Variants in SUFU observed in about 807,000 individuals in gnomAD.
The protein encoded by SUFU is suppressor of fused homolog.
In SUFU, 7 loss-of-function variants were observed where a neutral mutation model predicts 58.9. That is an observed-to-expected ratio of 0.12 (90% CI 0.07 to 0.22). The LOEUF (loss-of-function observed/expected upper bound fraction) is 0.22. Among genes scored for constraint, SUFU ranks in the 10% least tolerant of loss-of-function variants. The pLI is 1.00. For missense variants in SUFU, 451 were observed against 641.3 expected (o/e 0.70, Z 3.20); for synonymous variants, 232 against 254.8 (o/e 0.91, Z 0.85).
intron 10 of SUFU, among the ~76,000 whole-genome samples, chr10:102,623,877 T>C (rs1235237120): frequency 6.6e-6 from 1 of 151,814 alleles, no homozygotes; most frequent in East Asian, 1.9e-4. Context: ...GAGGCGGAGG[T>C]TGCAATGAGC....
intron 3 of SUFU, among the ~76,000 whole-genome samples, chr10:102,564,008 C>A (rs1205428336): frequency 1.3e-5 from 2 of 152,192 alleles, no homozygotes; most frequent in African/African-American, 4.8e-5. Flanking sequence ...AAGAAGGGGA[C>A]CCTCTTATCT....
intron 2 of SUFU, among the ~76,000 whole-genome samples, chr10:102,520,493 T>A (rs1040795666): frequency 2.0e-5 from 3 of 152,158 alleles, no homozygotes; most frequent in Non-Finnish European, 4.4e-5. Flanking sequence ...GTGCTGGGAT[T>A]ACAGGCGTGA....
chr10:102,505,702 A>T (rs2062316722), intron 1 of SUFU, among the ~76,000 whole-genome samples: 1 of 152,162 alleles, frequency 6.6e-6, no homozygotes, highest in Non-Finnish European at 1.5e-5. Context: ...GATTGTAGGG[A>T]ACAGCCTCCT....
At chr10:102,592,802 G>T in intron 4 of SUFU, 78 bp downstream of exon 4, 1 of 1,528,350 alleles carries the variant, frequency 6.5e-7, no homozygotes. Flanking sequence ...TGAGGAGGGG[G>T]AGTGAAGGGA....
At chr10:102,526,993 G>GTTTTT (rs34862176) in intron 2 of SUFU, among the ~76,000 whole-genome samples, 8 of 102,064 alleles carry the variant, frequency 7.8e-5, no homozygotes, top group Non-Finnish European at 1.2e-4. Flanking sequence ...TATTATTATT[G>GTTTTT]TTTTTTTTTT....
chr10:102,566,696 C>T (rs970059656), intron 3 of SUFU, among the ~76,000 whole-genome samples: 7 of 146,512 alleles, frequency 4.8e-5, no homozygotes, highest in Admixed American at 7.1e-5. Context: ...ACTTGGGAGG[C>T]GGAGGTTGCA....
chr10:102,606,555 G>A (rs1032507111), intron 8 of SUFU, among the ~76,000 whole-genome samples: 2 of 152,172 alleles, frequency 1.3e-5, no homozygotes, highest in African/African-American at 4.8e-5. Context: ...AACCTGAGTG[G>A]TGTGACTCTA....
At position 102,518,509 on chromosome 10, in the gene SUFU, C is replaced by T. The variant is rs1264832625; in HGVS notation, c.317+9206C>T. 6.4e-5 allele frequency among the ~76,000 whole-genome samples: 5 copies of T among 78,358 alleles called. No homozygotes were observed. In the Admixed American group the frequency reaches 7.2e-4, roughly 11 times the overall value. 51.4% of individuals were successfully genotyped at this position (78,358 alleles called of 152,430 possible). ...ATGTAGAAGCTATCTATCTAACTGTCTGTCTGTCTGTCTATCTATCTATCT... is the reference window on the plus strand; with the variant it reads ...ATGTAGAAGCTATCTATCTAACTGTTTGTCTGTCTGTCTATCTATCTATCT... On this transcript the variant is annotated intron_variant, in intron 2 of 11. Transcript: ENST00000369902.
At chr10:102,531,490 G>A (rs143027516) in intron 2 of SUFU, among the ~76,000 whole-genome samples, 185 of 152,094 alleles carry the variant, frequency 1.2e-3, no homozygotes, top group African/African-American at 4.2e-3. Flanking sequence ...TCCTTTGTTC[G>A]GCTGCTTTCA....
intron 2 of SUFU, among the ~76,000 whole-genome samples, chr10:102,517,496 C>T (rs2062486126): frequency 6.6e-6 from 1 of 152,112 alleles, no homozygotes; most frequent in South Asian, 2.1e-4. Flanking sequence ...CCCTTTTGGG[C>T]TCTCCTCTTC....
At chr10:102,565,617 T>C (rs918225398) in intron 3 of SUFU, among the ~76,000 whole-genome samples, 2 of 152,214 alleles carry the variant, frequency 1.3e-5, no homozygotes, top group African/African-American at 4.8e-5. Flanking sequence ...CGATCTCGGC[T>C]CACTGCAAGC....
chr10:102,582,292 G>GTCTAGAGT (rs2063289354), intron 3 of SUFU, among the ~76,000 whole-genome samples: 1 of 152,214 alleles, frequency 6.6e-6, no homozygotes, highest in Non-Finnish European at 1.5e-5. Context: ...GGCTGGCACT[G>GTCTAGAGT]TCTAGAGTTA....
intron 3 of SUFU, among the ~76,000 whole-genome samples, chr10:102,568,874 C>CAAAAA (rs59877393): frequency 6.9e-4 from 10 of 14,540 alleles, no homozygotes; most frequent in Non-Finnish European, 1.0e-3. Context: ...AACTCTGTCT[C>CAAAAA]AAAAAAAAAA....
At chr10:102,542,153 G>C (rs1164336870) in intron 2 of SUFU, among the ~76,000 whole-genome samples, 1 of 137,020 alleles carries the variant, frequency 7.3e-6, no homozygotes, top group Non-Finnish European at 1.6e-5. Context: ...TTTTTTTTGA[G>C]ATGGAGTCTC....
rs969840938 is a variant in SUFU, at chr10:102,529,117, A to T, written c.317+19814A>T. ...ACATATTTCAAAAGTTATTTTTACA[A>T]AGTTTTGCTACATACAGTAGTATTT... On this transcript the variant is annotated intron_variant, in intron 2 of 11. Coordinates refer to ENST00000369902, the MANE Select transcript of SUFU (RefSeq NM_016169.4). 6.6e-5 allele frequency among the ~76,000 whole-genome samples: 10 copies of T among 152,192 alleles called. No homozygotes were observed. The East Asian group carries it at 9.7e-4, about 15-fold the overall frequency.
chr10:102,578,079 G>T (rs1159966740), intron 3 of SUFU, among the ~76,000 whole-genome samples: 1 of 149,932 alleles, frequency 6.7e-6, no homozygotes, highest in Non-Finnish European at 1.5e-5. Context: ...AGGCCGAGGC[G>T]GGTGAATCAC....
At chr10:102,627,312 C>CA in intron 11 of SUFU, 69 bp downstream of exon 11, 2 of 1,395,698 alleles carry the variant, frequency 1.4e-6, no homozygotes, top group Non-Finnish European at 2.0e-6. Flanking sequence ...TGCGTGTGCA[C>CA]GTCTGTGCAT....
At position 102,631,533 on chromosome 10, in the gene SUFU, C is replaced by A. The variant is rs540265156; in HGVS notation, c.*1378C>A. The A allele has an allele frequency of 6.4e-5, 15 of 233,506 alleles. No individual in the cohort carries two copies. The highest frequency in any genetic ancestry group is 5.6e-4 in the Admixed American group (10 of 17,810). The allele number at this position is 233,506 out of a possible 1,614,324, so 14.5% of individuals were successfully genotyped here. A position where few individuals can be genotyped will look rare whatever the true frequency, so the allele number is the denominator to read the frequency against. On this transcript the variant is annotated 3_prime_UTR_variant, in exon 12 of 12. Coordinates refer to ENST00000369902, the MANE Select transcript of SUFU (RefSeq NM_016169.4). Reference sequence around the variant, plus strand: ...CTCTAGGGATGGGACTGTTACAATACTTCAAGATCACTCTTTACACCTCTT... The same window carrying A: ...CTCTAGGGATGGGACTGTTACAATAATTCAAGATCACTCTTTACACCTCTT...
chr10:102,599,434 C>T lies in SUFU; in HGVS notation c.912C>T (p.Asp304=). The T allele has an allele frequency of 6.2e-7, 1 of 1,613,650 alleles. No individual in the cohort carries two copies. The highest frequency in any genetic ancestry group is 2.2e-5 in the East Asian group (1 of 44,864). ...GTQPRRLSGK[D]TEQIRETLRR... ...GGCAACTTAGTGGTGTCGTTGCAGA[C>T]ACAGAGCAGATCCGGGAGACCCTGA... The change falls in exon 8 of 12, where the codon GAC becomes GAT. Residue 304 remains aspartate, a splice_region_variant and synonymous_variant. Coordinates refer to ENST00000369902, the MANE Select transcript of SUFU (RefSeq NM_016169.4).
Sources: allele counts gnomAD v4.1 joint callset (sites outside exome capture counted in the v4.1 genomes callset), GRCh38; gene constraint gnomAD v4.1.1; transcripts MANE v1.5; gene names NCBI Gene and HGNC (gene_info 2026-07-23, HGNC 2026-07-21).